The following ACCSL variants were observed in gnomAD, a reference collection of about 807,000 sequenced individuals.
ACCSL encodes probable inactive 1-aminocyclopropane-1-carboxylate synthase-like protein 2.
A neutral mutation model predicts 61.7 loss-of-function variants in ACCSL; 55 were observed. The observed-to-expected ratio is 0.89, with a 90% CI of 0.72 to 1.12. The LOEUF is 1.12. ACCSL is among the 50% of genes most tolerant of loss of function. The pLI is 0.00. For synonymous variants in ACCSL, 258 were observed against 264.3 expected (o/e 0.98, Z 0.23); for missense variants, 632 against 698.0 (o/e 0.91, Z 1.07).
the ACCSL span, among the ~76,000 whole-genome samples, chr11:43,940,379 G>A: frequency 1.3e-5 from 2 of 148,608 alleles, no homozygotes; most frequent in East Asian, 2.0e-4. Flanking sequence ...TTTTTGAGAC[G>A]GAGTCTTGCT....
the ACCSL span, among the ~76,000 whole-genome samples, chr11:43,949,437 C>T: frequency 4.6e-5 from 7 of 152,212 alleles, no homozygotes; most frequent in Non-Finnish European, 1.0e-4. Context: ...AGTCACTAAG[C>T]CAAAGGGAAA....
rs1952639395 is a variant in ACCSL, at chr11:44,051,581, T to C, written c.706-72T>C. The C allele has an allele frequency of 1.9e-5, 30 of 1,592,050 alleles. No homozygotes were observed. In the South Asian group the frequency reaches 3.1e-4, roughly 16 times the overall value. ...CCTGTGCCTGTTCTGCCCAGGGGGA[T>C]GGAGAAAGCATGGCTACCCCTTCTC... On this transcript the variant is annotated intron_variant, in intron 4 of 13. Transcript: ENST00000378832.
chr11:43,975,537 G>T, the ACCSL span, among the ~76,000 whole-genome samples: 1 of 152,166 alleles, frequency 6.6e-6, no homozygotes, highest in Non-Finnish European at 1.5e-5. Flanking sequence ...AGAAGCTCAA[G>T]GGTGTTGTCT....
the ACCSL span, among the ~76,000 whole-genome samples, chr11:44,031,936 C>T: frequency 1.3e-5 from 2 of 152,176 alleles, no homozygotes; most frequent in African/African-American, 4.8e-5. Context: ...CATTCACTTA[C>T]TCAGGGGCAA....
chr11:43,984,682 C>T, the ACCSL span, among the ~76,000 whole-genome samples: 2 of 152,280 alleles, frequency 1.3e-5, no homozygotes, highest in Non-Finnish European at 2.9e-5. Flanking sequence ...AAAGAAAGCC[C>T]TGGCTTCTTC....
chr11:43,954,888 T>G, the ACCSL span, among the ~76,000 whole-genome samples: 1 of 152,128 alleles, frequency 6.6e-6, no homozygotes, highest in Non-Finnish European at 1.5e-5. Flanking sequence ...CCCGGCCCTG[T>G]ATCTTTACTG....
chr11:44,055,416 G>A, intron 9 of ACCSL, 125 bp downstream of exon 9: 1 of 612,774 alleles, frequency 1.6e-6, no homozygotes. Context: ...CACAGGGCCT[G>A]TGAATACAAA....
At chr11:44,048,683 GAATA>G (rs1391461401) in intron 1 of ACCSL, 143 bp downstream of exon 1, 3 of 872,504 alleles carry the variant, frequency 3.4e-6, no homozygotes, top group Non-Finnish European at 5.2e-6. Flanking sequence ...GCAGATAAGG[GAATA>G]ATTACAGAAA....
At chr11:43,979,591 G>A in the ACCSL span, among the ~76,000 whole-genome samples, 23 of 152,166 alleles carry the variant, frequency 1.5e-4, 3 homozygotes, top group Admixed American at 1.3e-3. Flanking sequence ...AGTCTCTGTC[G>A]TGGCAAGCTG....
the ACCSL span, among the ~76,000 whole-genome samples, chr11:43,937,442 C>T: frequency 6.6e-6 from 1 of 152,210 alleles, no homozygotes; most frequent in African/African-American, 2.4e-5. Flanking sequence ...AGTGGCTTGT[C>T]CAAGCTCACA....
the ACCSL span, among the ~76,000 whole-genome samples, chr11:43,987,130 C>T: frequency 2.0e-5 from 3 of 152,184 alleles, no homozygotes; most frequent in Non-Finnish European, 4.4e-5. Context: ...TCCTTGACTC[C>T]CCTGTCACTG....
chr11:44,014,664 C>G, the ACCSL span, among the ~76,000 whole-genome samples: 2 of 152,102 alleles, frequency 1.3e-5, no homozygotes, highest in African/African-American at 4.8e-5. Flanking sequence ...GAGAGGGGAT[C>G]GTAGGGTCCA....
the ACCSL span, among the ~76,000 whole-genome samples, chr11:43,942,035 C>CGTGT: frequency 3.2e-3 from 283 of 89,676 alleles, no homozygotes; most frequent in African/African-American, 5.1e-3. Flanking sequence ...TGCATTCGTG[C>CGTGT]GTGTGTGTGT....
chr11:44,028,215 A>G, the ACCSL span, among the ~76,000 whole-genome samples: 1 of 152,002 alleles, frequency 6.6e-6, no homozygotes, highest in South Asian at 2.1e-4. Flanking sequence ...TAAGTAAGAT[A>G]TGGTGCAGGT....
chr11:44,004,018 C>T, the ACCSL span, among the ~76,000 whole-genome samples: 1 of 152,126 alleles, frequency 6.6e-6, no homozygotes, highest in African/African-American at 2.4e-5. Flanking sequence ...AGAGCCAGAC[C>T]CCTATCCTGG....
chr11:44,016,781 G>A, the ACCSL span, among the ~76,000 whole-genome samples: 3 of 152,146 alleles, frequency 2.0e-5, no homozygotes, highest in East Asian at 1.9e-4. Flanking sequence ...AGAAGCAGCC[G>A]AGTACCCAGG....
At chr11:44,048,947 A>T (rs1008252745) in intron 1 of ACCSL, among the ~76,000 whole-genome samples, 46 of 152,198 alleles carry the variant, frequency 3.0e-4, no homozygotes, top group Non-Finnish European at 4.6e-4. Context: ...AGGCTGAATC[A>T]GCCAGCCATG....
the ACCSL span, among the ~76,000 whole-genome samples, chr11:44,007,970 T>A: frequency 6.6e-6 from 1 of 151,900 alleles, no homozygotes; most frequent in Admixed American, 6.6e-5. Context: ...GGCACTGGAG[T>A]GCAGGAAGAG....
At chr11:44,000,465 G>A in the ACCSL span, among the ~76,000 whole-genome samples, 1 of 149,606 alleles carries the variant, frequency 6.7e-6, no homozygotes, top group South Asian at 2.1e-4. Context: ...TTGCAGTGTG[G>A]CAGTGTGCTG....
Sources: gnomAD v4.1 joint callset for allele counts (sites outside exome capture counted in the v4.1 genomes callset) on GRCh38, gnomAD v4.1.1 for gene constraint, MANE v1.5 for transcripts, NCBI Gene and HGNC (gene_info 2026-07-23, HGNC 2026-07-21) for gene names.